DYNC1I1: variants seen among roughly 807,000 people sequenced by gnomAD.
DYNC1I1 encodes dynein cytoplasmic 1 intermediate chain 1.
DYNC1I1 carries 43 observed loss-of-function variants against 86.6 expected under a neutral mutation model. That is an observed-to-expected ratio of 0.50 (90% confidence interval 0.39 to 0.64). The LOEUF (loss-of-function observed/expected upper bound fraction) is 0.64, where lower values mean the gene tolerates loss of function less well. Among genes scored for constraint, DYNC1I1 ranks in the 30% least tolerant of loss-of-function variants. The pLI is 0.00. For synonymous variants in DYNC1I1, 262 were observed against 283.7 expected (o/e 0.92, Z 0.77); for missense variants, 604 against 788.8 (o/e 0.77, Z 2.81).
intron 10 of DYNC1I1, among the ~76,000 whole-genome samples, chr7:96,020,859 G>T (rs1177184753): frequency 6.6e-6 from 1 of 152,060 alleles, no homozygotes; most frequent in African/African-American, 2.4e-5. Context: ...GATAAACCAT[G>T]GGGACATTAT....
downstream of DYNC1I1, among the ~76,000 whole-genome samples, chr7:96,099,573 C>T (rs1443466265): frequency 1.3e-5 from 2 of 152,158 alleles, no homozygotes; most frequent in African/African-American, 4.8e-5. Context: ...GATCTGATAT[C>T]TGGTGAGGGC....
Position 95,996,028 on chromosome 7 carries a change from C to T in DYNC1I1, c.924C>T (p.Asn308=), listed in dbSNP as rs753498372. 47 of 1,613,804 alleles carry T rather than the reference C, an allele frequency of 2.9e-5. No individual in the cohort carries two copies. In the East Asian group the frequency reaches 9.4e-4, roughly 32 times the overall value. ...HEPDGVALVW[N]MKFKKTTPEY... ...CAGATGGAGTGGCCTTGGTTTGGAA[C>T]ATGAAGTTTAAGAAAACCACACCAG... is the stretch of plus-strand genomic sequence containing the variant. The change falls in exon 10 of 17, where the codon AAC becomes AAT. Residue 308 remains asparagine, a synonymous_variant. Transcript: ENST00000447467.
chr7:96,024,388 C>T (rs919871771), intron 10 of DYNC1I1, among the ~76,000 whole-genome samples: 31 of 152,234 alleles, frequency 2.0e-4, no homozygotes, highest in East Asian at 1.5e-3. Context: ...TGAGCCTCTG[C>T]GCCCAGCTTG....
At chr7:95,899,763 G>C (rs1484091200) in intron 6 of DYNC1I1, among the ~76,000 whole-genome samples, 1 of 152,270 alleles carries the variant, frequency 6.6e-6, no homozygotes, top group Non-Finnish European at 1.5e-5. Flanking sequence ...GCACGGAGGG[G>C]AAGAAAAATT....
intron 1 of DYNC1I1, among the ~76,000 whole-genome samples, chr7:95,785,826 A>G (rs1223991574): frequency 7.0e-6 from 1 of 142,656 alleles, no homozygotes; most frequent in Non-Finnish European, 1.5e-5. Context: ...TATTATATAT[A>G]ACAGTATGAG....
chr7:96,062,733 C>T (rs1312417825), intron 14 of DYNC1I1, among the ~76,000 whole-genome samples: 2 of 152,150 alleles, frequency 1.3e-5, no homozygotes, highest in African/African-American at 4.8e-5. Context: ...AGGACTCTCC[C>T]AACTCACTCC....
At chr7:96,062,057 G>A (rs1789797035) in intron 14 of DYNC1I1, among the ~76,000 whole-genome samples, 1 of 152,238 alleles carries the variant, frequency 6.6e-6, no homozygotes, top group African/African-American at 2.4e-5. Context: ...GTGGACTTGA[G>A]AGAGAGGGTG....
At chr7:95,956,592 C>T (rs574167518) in intron 6 of DYNC1I1, among the ~76,000 whole-genome samples, 1 of 151,824 alleles carries the variant, frequency 6.6e-6, no homozygotes, top group African/African-American at 2.4e-5. Flanking sequence ...TCCATATGTT[C>T]TCATTGTTCA....
At chr7:96,056,816 T>A (rs1180969111) in intron 14 of DYNC1I1, among the ~76,000 whole-genome samples, 2 of 152,186 alleles carry the variant, frequency 1.3e-5, no homozygotes, top group South Asian at 2.1e-4. Context: ...AGGTCTTTTT[T>A]AATTTATTCT....
At chr7:95,903,996 G>C (rs73390896) in intron 6 of DYNC1I1, among the ~76,000 whole-genome samples, 1,675 of 152,246 alleles carry the variant, frequency 0.011, 26 homozygotes, top group African/African-American at 0.039. Flanking sequence ...GCAGTATCCT[G>C]AGAATGTGTT....
At chr7:96,057,983 A>G (rs1351577121) in intron 14 of DYNC1I1, among the ~76,000 whole-genome samples, 1 of 152,118 alleles carries the variant, frequency 6.6e-6, no homozygotes, top group African/African-American at 2.4e-5. Flanking sequence ...TCCATTCCTT[A>G]TTGATGTCTC....
rs1430552477 is a variant in DYNC1I1 at position 95,836,410 on chromosome 7, T to C, written c.374+8294T>C. ...CTGGCTGCCCTTAACATTTTTTCCT[T>C]CATTTCAACTTTGGTGAATCTGACA... On this transcript the variant is annotated intron_variant, in intron 5 of 16. Coordinates refer to ENST00000447467, the MANE Select transcript of DYNC1I1 (RefSeq NM_001135556.2). Among the ~76,000 whole-genome samples, 3 of 151,632 alleles carry C rather than the reference T, an allele frequency of 2.0e-5. 1 individual carries two copies. The highest frequency in any genetic ancestry group is 6.6e-5 in the Admixed American group (1 of 15,232).
At chr7:96,029,383 A>T (rs894541525) in intron 11 of DYNC1I1, among the ~76,000 whole-genome samples, 2 of 152,164 alleles carry the variant, frequency 1.3e-5, no homozygotes, top group Non-Finnish European at 2.9e-5. Flanking sequence ...GTGTTTGGTG[A>T]AGTAGTGTGA....
At chr7:96,061,420 T>C (rs113014679) in intron 14 of DYNC1I1, among the ~76,000 whole-genome samples, 45 of 152,104 alleles carry the variant, frequency 3.0e-4, no homozygotes, top group African/African-American at 1.0e-3. Context: ...CTCTCACCCA[T>C]CCAAAGCGTA....
chr7:95,777,801 C>G (rs1326741468), intron 1 of DYNC1I1, among the ~76,000 whole-genome samples: 3 of 152,130 alleles, frequency 2.0e-5, no homozygotes, highest in Non-Finnish European at 4.4e-5. Context: ...GGTAACCGTT[C>G]CAGTGTGCTT....
At chr7:95,936,034 A>G (rs1039407349) in intron 6 of DYNC1I1, among the ~76,000 whole-genome samples, 3 of 151,950 alleles carry the variant, frequency 2.0e-5, no homozygotes, top group Non-Finnish European at 2.9e-5. Flanking sequence ...CTTTCTTTCC[A>G]TTAAAGGAGC....
rs76048031 is a variant in DYNC1I1 at position 95,848,521 on chromosome 7, A to G, written c.374+20405A>G. Among the ~76,000 whole-genome samples the G allele has an allele frequency of 2.7e-3, 413 of 152,206 alleles. 1 individual carries two copies. The highest frequency in any genetic ancestry group is 9.7e-3 in the African/African-American group (403 of 41,550). On this transcript the variant is annotated intron_variant, in intron 5 of 16. Coordinates refer to ENST00000447467, the MANE Select transcript of DYNC1I1 (RefSeq NM_001135556.2). ...TGTACCTCGCTTATTTCACTTAACA[A>G]AATGCTCTCCTGGTTCATCTATATC...
At chr7:96,013,945 T>C (rs1794341576) in intron 10 of DYNC1I1, among the ~76,000 whole-genome samples, 1 of 152,126 alleles carries the variant, frequency 6.6e-6, no homozygotes, top group African/African-American at 2.4e-5. Flanking sequence ...AAATCAGTCT[T>C]GAGTACCAGT....
At chr7:95,817,886 G>A (rs1438669625) in intron 4 of DYNC1I1, among the ~76,000 whole-genome samples, 2 of 152,160 alleles carry the variant, frequency 1.3e-5, no homozygotes, top group African/African-American at 4.8e-5. Flanking sequence ...ATGTTTAGTT[G>A]TAATTCCTTA....
Sources: allele counts gnomAD v4.1 joint callset (sites outside exome capture counted in the v4.1 genomes callset), GRCh38; gene constraint gnomAD v4.1.1; transcripts MANE v1.5; gene names NCBI Gene and HGNC (gene_info 2026-07-23, HGNC 2026-07-21).